Variants in OPCML observed in about 807,000 individuals in gnomAD.
The protein encoded by OPCML is opioid-binding protein/cell adhesion molecule.
A neutral mutation model predicts 37.8 loss-of-function variants in OPCML; 13 were observed. The observed-to-expected ratio is 0.34, with a 90% CI of 0.22 to 0.55. The LOEUF (loss-of-function observed/expected upper bound fraction) is 0.55, where lower values mean the gene tolerates loss of function less well. OPCML is among the 20% of genes least tolerant of loss of function. The probability of loss-of-function intolerance (pLI) is 0.91; values close to 1 mark genes in which losing one functional copy is unlikely to be tolerated. For synonymous variants in OPCML, 176 were observed against 168.8 expected (o/e 1.04, Z -0.33); for missense variants, 341 against 435.6 (o/e 0.78, Z 1.93).
At chr11:132,903,677 A>G (rs982871146) in intron 2 of OPCML, among the ~76,000 whole-genome samples, 3 of 152,126 alleles carry the variant, frequency 2.0e-5, no homozygotes, top group Non-Finnish European at 4.4e-5. Flanking sequence ...AAATAAAAAA[A>G]TAAGAGAGAA....
chr11:133,251,988 G>C (rs1478639473), intron 1 of OPCML, among the ~76,000 whole-genome samples: 1 of 152,184 alleles, frequency 6.6e-6, no homozygotes, highest in Admixed American at 6.5e-5. Context: ...TTGTGCAGGA[G>C]GGCCTCCCCC....
chr11:132,655,798 T>C (rs1023760549), intron 3 of OPCML, among the ~76,000 whole-genome samples: 17 of 150,942 alleles, frequency 1.1e-4, no homozygotes, highest in African/African-American at 4.2e-4. Flanking sequence ...GACTGAAGCA[T>C]GAATAGACAG....
chr11:132,877,488 C>A (rs1202656280), intron 2 of OPCML, among the ~76,000 whole-genome samples: 1 of 152,112 alleles, frequency 6.6e-6, no homozygotes, highest in African/African-American at 2.4e-5. Flanking sequence ...CTTCTCAGTT[C>A]TTCATTCTTT....
intron 3 of OPCML, among the ~76,000 whole-genome samples, chr11:132,598,021 T>C (rs1037607361): frequency 6.6e-6 from 1 of 152,162 alleles, no homozygotes; most frequent in Admixed American, 6.5e-5. Context: ...GGTCATATCT[T>C]CCACGAAGCT....
intron 2 of OPCML, among the ~76,000 whole-genome samples, chr11:132,800,128 A>G (rs1002235658): frequency 6.6e-6 from 1 of 152,168 alleles, no homozygotes; most frequent in East Asian, 1.9e-4. Context: ...ATCAGAGCAT[A>G]AGTTTTCACT....
chr11:133,213,305 G>A (rs1939446533), intron 1 of OPCML, among the ~76,000 whole-genome samples: 1 of 148,832 alleles, frequency 6.7e-6, no homozygotes, highest in African/African-American at 2.5e-5. Flanking sequence ...GCAAAAGGAT[G>A]ACCTTAATAG....
chr11:132,881,187 T>C (rs1360884938), intron 2 of OPCML, among the ~76,000 whole-genome samples: 1 of 152,128 alleles, frequency 6.6e-6, no homozygotes, highest in African/African-American at 2.4e-5. Flanking sequence ...GAGGATGAGA[T>C]CTCCAACTAC....
At chr11:133,210,008 A>G (rs964383720) in intron 1 of OPCML, among the ~76,000 whole-genome samples, 1 of 152,186 alleles carries the variant, frequency 6.6e-6, no homozygotes, top group Non-Finnish European at 1.5e-5. Context: ...GGTGCCTTCC[A>G]ATTTAATTTA....
Position 132,821,720 on chromosome 11 carries a change from C to T in OPCML, c.146+121206G>A, listed in dbSNP as rs1288750538. 4.6e-5 allele frequency among the ~76,000 whole-genome samples: 7 copies of T among 152,258 alleles called. No individual in the cohort carries two copies. The East Asian group carries it at 1.4e-3, about 29-fold the overall frequency. On this transcript the variant is annotated intron_variant, in intron 2 of 7. Transcript: ENST00000524381. ...CACTTTCTTCCATTTGCCTTTGTTT[C>T]CAATTCAAGGTATCTTCCCCCCTCT...
At chr11:132,794,590 C>A (rs532709525) in intron 2 of OPCML, among the ~76,000 whole-genome samples, 2 of 152,096 alleles carry the variant, frequency 1.3e-5, no homozygotes, top group Admixed American at 6.6e-5. Context: ...CTCTAACCCC[C>A]GAATCCATCT....
chr11:133,314,293 T>C (rs1399436155), intron 1 of OPCML, among the ~76,000 whole-genome samples: 1 of 131,390 alleles, frequency 7.6e-6, no homozygotes, highest in African/African-American at 2.8e-5. Context: ...CTAGCTAAAC[T>C]AGCTCACATT....
chr11:132,444,367 C>T (rs2096047162), intron 4 of OPCML, among the ~76,000 whole-genome samples: 1 of 152,182 alleles, frequency 6.6e-6, no homozygotes, highest in East Asian at 1.9e-4. Flanking sequence ...CCATCACATA[C>T]CTCCTGATGT....
chr11:132,616,972 G>T (rs1939069890), intron 3 of OPCML, among the ~76,000 whole-genome samples: 1 of 152,186 alleles, frequency 6.6e-6, no homozygotes, highest in Non-Finnish European at 1.5e-5. Flanking sequence ...ATTTTTAATG[G>T]TGAGCAGAGA....
chr11:133,004,119 C>A (rs1947062396), intron 1 of OPCML: 1 of 985,204 alleles, frequency 1.0e-6, no homozygotes, highest in South Asian at 4.7e-5. Flanking sequence ...AGTTGGACAC[C>A]CACACATCTC....
At chr11:133,399,322 A>T (rs1369788430) in intron 1 of OPCML, among the ~76,000 whole-genome samples, 1 of 152,184 alleles carries the variant, frequency 6.6e-6, no homozygotes, top group East Asian at 1.9e-4. Flanking sequence ...TGAGCTCAGC[A>T]CTGCTCTTTA....
intron 1 of OPCML, among the ~76,000 whole-genome samples, chr11:133,295,317 G>A (rs886381621): frequency 2.0e-5 from 3 of 152,194 alleles, no homozygotes; most frequent in African/African-American, 7.2e-5. Flanking sequence ...ATTGATAGAA[G>A]TGGTAAAACT....
intron 4 of OPCML, among the ~76,000 whole-genome samples, chr11:132,478,878 G>A (rs559791736): frequency 6.6e-6 from 1 of 152,158 alleles, no homozygotes; most frequent in African/African-American, 2.4e-5. Context: ...ATATAATTTG[G>A]GTTAAATATA....
At chr11:132,932,368 A>G (rs1236713733) in intron 2 of OPCML, among the ~76,000 whole-genome samples, 2 of 152,168 alleles carry the variant, frequency 1.3e-5, no homozygotes, top group Admixed American at 1.3e-4. Flanking sequence ...GGGTAACAAA[A>G]ATGTTTTGTA....
At chr11:133,038,565 C>A (rs529515487) in intron 1 of OPCML, among the ~76,000 whole-genome samples, 4 of 152,172 alleles carry the variant, frequency 2.6e-5, no homozygotes, top group Non-Finnish European at 5.9e-5. Context: ...GGCTCTAGCC[C>A]AGAGATATTA....
Sources: allele counts gnomAD v4.1 joint callset (sites outside exome capture counted in the v4.1 genomes callset), GRCh38; gene constraint gnomAD v4.1.1; transcripts MANE v1.5; gene names NCBI Gene and HGNC (gene_info 2026-07-23, HGNC 2026-07-21).